Variants in LAMA2 observed in about 807,000 individuals in gnomAD.
LAMA2 encodes the protein laminin subunit alpha 2, also known as laminin subunit alpha-2.
LAMA2 carries 269 observed loss-of-function variants against 364.8 expected under a neutral mutation model. The ratio of observed to expected loss-of-function variants is 0.74; its 90% CI spans 0.67 to 0.82. The LOEUF (loss-of-function observed/expected upper bound fraction) is 0.82. Ranked by LOEUF, LAMA2 falls within the 40% of genes least tolerant of loss-of-function variation. The pLI is 0.00. For synonymous variants in LAMA2, 1,379 were observed against 1,370.6 expected (o/e 1.01, Z -0.14); for missense variants, 3,807 against 3,873.2 (o/e 0.98, Z 0.45).
intron 54 of LAMA2, 101 bp downstream of exon 54, chr6:129,478,914 A>G (rs1784218928): frequency 1.9e-6 from 2 of 1,026,064 alleles, no homozygotes; most frequent in Non-Finnish European, 1.5e-6. Context: ...AATATATTTT[A>G]CTTTTCTACT....
intron 1 of LAMA2, chr6:128,929,743 C>G: frequency 8.2e-7 from 1 of 1,226,138 alleles, no homozygotes; most frequent in Non-Finnish European, 1.2e-6. Flanking sequence ...TTGTACCAAT[C>G]GTAGCTGGAT....
At chr6:129,442,219 C>T in intron 43 of LAMA2, 1 of 1,319,568 alleles carries the variant, frequency 7.6e-7, no homozygotes, top group Non-Finnish European at 1.0e-6. Flanking sequence ...GCATCCTAGC[C>T]TCAAATCAAA....
In LAMA2 at chr6:129,455,853, A is replaced by G. The variant is rs548523594; in HGVS notation, c.6708-482A>G. ...ACTGGGATCCAAGATATTATAAAGAATTTTAGGAGAAATCATGCAGCTTAT... is the reference window on the plus strand; with the variant it reads ...ACTGGGATCCAAGATATTATAAAGAGTTTTAGGAGAAATCATGCAGCTTAT... On this transcript the variant is annotated intron_variant, in intron 47 of 64. Coordinates refer to ENST00000421865, the MANE Select transcript of LAMA2 (RefSeq NM_000426.4). Among the ~76,000 whole-genome samples, 6 of 152,300 alleles carry G rather than the reference A, an allele frequency of 3.9e-5. No homozygotes were observed. In the East Asian group the frequency reaches 1.2e-3, roughly 29 times the overall value.
intron 7 of LAMA2, among the ~76,000 whole-genome samples, chr6:129,154,277 G>T (rs1583148381): frequency 6.6e-6 from 1 of 152,114 alleles, no homozygotes; most frequent in African/African-American, 2.4e-5. Flanking sequence ...TGGGTGTGGT[G>T]GTGCATGCCT....
In LAMA2 at chr6:129,501,558, C is replaced by G. The variant is rs73776198; in HGVS notation, c.8245-1101C>G. 7.0e-3 allele frequency among the ~76,000 whole-genome samples: 1,070 copies of G among 152,264 alleles called. 13 individuals are homozygous for G. Among genetic ancestry groups the G allele is most frequent in the African/African-American group, 0.024 (1,009 of 41,514 alleles). ...TTTCCTGTGTGCTGATGAGTCATCT[C>G]TGAGGTACACTCTTTGGGAAGAACA... On this transcript the variant is annotated intron_variant, in intron 58 of 64. Coordinates refer to ENST00000421865, the MANE Select transcript of LAMA2 (RefSeq NM_000426.4).
chr6:128,923,401 G>T (rs1275580767), intron 1 of LAMA2, among the ~76,000 whole-genome samples: 2 of 149,904 alleles, frequency 1.3e-5, no homozygotes, highest in Non-Finnish European at 3.0e-5. Context: ...GTGGTTTGTA[G>T]TTCTCCTTGA....
chr6:128,948,110 G>A (rs1780591385), intron 1 of LAMA2, among the ~76,000 whole-genome samples: 1 of 152,052 alleles, frequency 6.6e-6, no homozygotes, highest in South Asian at 2.1e-4. Context: ...TAGAAAGCCA[G>A]GTCATTAGCC....
Position 129,291,597 on chromosome 6 carries a change from C to T in LAMA2, c.2750-17C>T, listed in dbSNP as rs779617226. 2 of 1,592,890 alleles carry T rather than the reference C, an allele frequency of 1.3e-6. No homozygotes were observed. The highest frequency in any genetic ancestry group is 2.7e-5 in the African/African-American group (2 of 74,440). On this transcript the variant is annotated splice_polypyrimidine_tract_variant and intron_variant, in intron 19 of 64. Coordinates refer to ENST00000421865, the MANE Select transcript of LAMA2 (RefSeq NM_000426.4). ...TTAGAAAGTTTTCCTGATCACAGGT[C>T]TCTCTTCTCTTTGCAGCCTGTCGCT... is the stretch of plus-strand genomic sequence containing the variant.
intron 12 of LAMA2, among the ~76,000 whole-genome samples, chr6:129,217,974 T>A (rs1258512137): frequency 6.6e-6 from 1 of 152,034 alleles, no homozygotes; most frequent in African/African-American, 2.4e-5. Flanking sequence ...TCCAGGCTTT[T>A]AAAAAAAATT....
chr6:129,481,806 G>A (rs1021424288), intron 55 of LAMA2, among the ~76,000 whole-genome samples: 5 of 151,984 alleles, frequency 3.3e-5, no homozygotes, highest in African/African-American at 9.7e-5. Flanking sequence ...AGTCAGCTTC[G>A]GTCCCTTAAA....
intron 12 of LAMA2, among the ~76,000 whole-genome samples, chr6:129,243,848 AAAAAG>A (rs1387251849): frequency 2.8e-5 from 3 of 106,210 alleles, no homozygotes; most frequent in African/African-American, 8.4e-5. Context: ...CTACAAGAAG[AAAAAG>A]AAAAGAAGAA....
chr6:129,036,048 G>A (rs1429281878), intron 1 of LAMA2, among the ~76,000 whole-genome samples: 1 of 152,064 alleles, frequency 6.6e-6, no homozygotes, highest in Non-Finnish European at 1.5e-5. Flanking sequence ...GATAGGGATT[G>A]CACTGAATCT....
intron 4 of LAMA2, among the ~76,000 whole-genome samples, chr6:129,139,605 C>T (rs1777998099): frequency 6.6e-6 from 1 of 152,094 alleles, no homozygotes; most frequent in South Asian, 2.1e-4. Flanking sequence ...CCCACAAATC[C>T]CCTGAAACTA....
At chr6:129,475,337 A>G (rs955546465) in intron 52 of LAMA2, 53 bp from the exon 53 acceptor site, 36 of 1,027,870 alleles carry the variant, frequency 3.5e-5, no homozygotes, top group Non-Finnish European at 5.1e-5. Flanking sequence ...AAATGTAATT[A>G]TAAGTAAATT....
At chr6:129,146,832 A>G (rs982466458) in intron 5 of LAMA2, 127 bp from the exon 6 acceptor site, 1 of 733,046 alleles carries the variant, frequency 1.4e-6, no homozygotes, top group Non-Finnish European at 2.5e-6. Flanking sequence ...ACTTGTCCTC[A>G]AGAAACACAA....
chr6:129,119,376 C>T (rs923810789), intron 4 of LAMA2, among the ~76,000 whole-genome samples: 1 of 152,004 alleles, frequency 6.6e-6, no homozygotes, highest in Non-Finnish European at 1.5e-5. Flanking sequence ...CACTGACGGT[C>T]CTTCAGGTTA....
chr6:129,011,360 T>A (rs1452683694), intron 1 of LAMA2, among the ~76,000 whole-genome samples: 1 of 152,158 alleles, frequency 6.6e-6, no homozygotes, highest in Non-Finnish European at 1.5e-5. Flanking sequence ...AAGTCCCTGC[T>A]CTTTGGGTAA....
intron 3 of LAMA2, among the ~76,000 whole-genome samples, chr6:129,069,212 G>C (rs1773139822): frequency 6.6e-6 from 1 of 151,948 alleles, no homozygotes; most frequent in South Asian, 2.1e-4. Flanking sequence ...TGGAAAGTCT[G>C]AACAAGACTT....
chr6:128,901,213 A>G (rs1777063393), intron 1 of LAMA2, among the ~76,000 whole-genome samples: 1 of 152,234 alleles, frequency 6.6e-6, no homozygotes, highest in African/African-American at 2.4e-5. Flanking sequence ...CATGTTATAG[A>G]CTATCTATAG....
Sources: allele counts gnomAD v4.1 joint callset (sites outside exome capture counted in the v4.1 genomes callset), GRCh38; gene constraint gnomAD v4.1.1; transcripts MANE v1.5; gene names NCBI Gene and HGNC (gene_info 2026-07-23, HGNC 2026-07-21).